The following SNX17 variants were observed in gnomAD, a reference collection of about 807,000 sequenced individuals.
SNX17 encodes the protein sorting nexin-17.
A neutral mutation model predicts 64.3 loss-of-function variants in SNX17; 35 were observed. That is an observed-to-expected ratio of 0.54 (90% confidence interval 0.42 to 0.72). The LOEUF is 0.72. Ranked by LOEUF, SNX17 falls within the 30% of genes least tolerant of loss-of-function variation. The pLI is 0.00. For missense variants in SNX17, 538 were observed against 610.0 expected (o/e 0.88, Z 1.24); for synonymous variants, 259 against 230.2 (o/e 1.13, Z -1.13).
chr2:27,371,813 T>C (rs1257630027), intron 2 of SNX17, among the ~76,000 whole-genome samples: 1 of 152,244 alleles, frequency 6.6e-6, no homozygotes, highest in Non-Finnish European at 1.5e-5. Context: ...TCCTCCTTCC[T>C]TACCAGATCT....
chr2:27,371,950 T>C (rs1029195514), intron 2 of SNX17, among the ~76,000 whole-genome samples: 4 of 152,228 alleles, frequency 2.6e-5, no homozygotes, highest in African/African-American at 9.7e-5. Flanking sequence ...AGTGGCACGA[T>C]CTCGGCTCAC....
chr2:27,377,512 G>T lies in SNX17; in HGVS notation c.*793G>T, dbSNP rs145489942. 6.2e-7 allele frequency: 1 copy of T among 1,609,342 alleles called. No homozygotes were observed. Reference sequence around the variant, plus strand: ...GGGAGAAAAAGGTGGCTTCTGGTCCGTCTGTATAAAACATGGGGAAGAAGG... The same window carrying T: ...GGGAGAAAAAGGTGGCTTCTGGTCCTTCTGTATAAAACATGGGGAAGAAGG... On this transcript the variant is annotated 3_prime_UTR_variant, in exon 15 of 15. Transcript: ENST00000233575. This position sits in a 1 kb window ranked among gnomAD's most constrained non-coding sequence, Gnocchi z 4.4.
At chr2:27,371,577 T>A in intron 2 of SNX17, 1 of 797,452 alleles carries the variant, frequency 1.3e-6, no homozygotes, top group Non-Finnish European at 1.7e-6. Flanking sequence ...TTCTGTCCAG[T>A]CTTACTGCTC....
rs753363546 is a variant in SNX17 at position 27,376,475 on chromosome 2, C to G, written c.1258-4C>G. The G allele has an allele frequency of 3.7e-6, 6 of 1,614,164 alleles. No homozygotes were observed. Among genetic ancestry groups the G allele is most frequent in the Non-Finnish European group, 5.1e-6 (6 of 1,180,026 alleles). On this transcript the variant is annotated splice_region_variant and splice_polypyrimidine_tract_variant and intron_variant, in intron 13 of 14. Transcript: ENST00000233575. ...TTCTGACACCTCTGCCTCTTCTTCCCCAGGAGTCACCTGATGCCACCCGGG... is the reference window on the plus strand; with the variant it reads ...TTCTGACACCTCTGCCTCTTCTTCCGCAGGAGTCACCTGATGCCACCCGGG...
intron 14 of SNX17, 31 bp downstream of exon 14, chr2:27,376,551 T>C: frequency 6.2e-7 from 1 of 1,614,202 alleles, no homozygotes; most frequent in East Asian, 2.2e-5. Context: ...GGTTGCTGTT[T>C]GTTGGGGGAT....
At position 27,370,653 on chromosome 2, in the gene SNX17, T is replaced by C. The variant is rs1160981808; in HGVS notation, c.-91T>C. ...GGGCTCCCAAAATGGCGAGTGAGGC[T>C]GCGGGGACTCGCTGAGCAGCGGAGG... is the stretch of plus-strand genomic sequence containing the variant. On this transcript the variant is annotated 5_prime_UTR_variant, in exon 1 of 15. Coordinates refer to ENST00000233575, the MANE Select transcript of SNX17 (RefSeq NM_014748.4). 6.8e-7 allele frequency: 1 copy of C among 1,469,764 alleles called. No individual in the cohort carries two copies. Among genetic ancestry groups the C allele is most frequent in the Non-Finnish European group, 9.0e-7 (1 of 1,107,380 alleles). The allele number at this position is 1,469,764 out of a possible 1,614,324, so 91.0% of individuals were successfully genotyped here.
rs1682736678 is a variant in SNX17 at position 27,372,523 on chromosome 2, G to A, written c.139-100G>A. On this transcript the variant is annotated intron_variant, in intron 2 of 14. Coordinates refer to ENST00000233575, the MANE Select transcript of SNX17 (RefSeq NM_014748.4). ...GGTAGACAGGGGAACAGGGACTGAGGGAAGGGAGGGGCACCCAAGAGAACA... is the reference window on the plus strand; with the variant it reads ...GGTAGACAGGGGAACAGGGACTGAGAGAAGGGAGGGGCACCCAAGAGAACA... 1.2e-5 allele frequency: 18 copies of A among 1,558,716 alleles called. No homozygotes were observed. The South Asian group carries it at 1.9e-4, about 17-fold the overall frequency.
chr2:27,371,629 C>G (rs372512006), intron 2 of SNX17: 2 of 314,548 alleles, frequency 6.4e-6, no homozygotes, highest in Admixed American at 4.8e-5. Flanking sequence ...ACCCCTCCCC[C>G]CACTACCTCC....
intron 12 of SNX17, 28 bp from the exon 13 acceptor site, chr2:27,376,285 C>G: frequency 6.2e-7 from 1 of 1,611,670 alleles, no homozygotes; most frequent in South Asian, 1.1e-5. Flanking sequence ...TGATCCTGCC[C>G]TCACCGGCAC....
chr2:27,374,323 A>T lies in SNX17; in HGVS notation c.524-23A>T, dbSNP rs532740420. ...TTCCTTTAAATCTCACTATATTTTC[A>T]TTTTTTTTTTTTTAACCTGTAGTTG... On this transcript the variant is annotated intron_variant, in intron 6 of 14. Transcript: ENST00000233575. 5.4e-4 allele frequency: 700 copies of T among 1,304,636 alleles called. 2 individuals are homozygous for T. In the African/African-American group the frequency reaches 7.2e-3, roughly 13 times the overall value. 80.8% of individuals were successfully genotyped at this position (1,304,636 alleles called of 1,614,324 possible). A position where few individuals can be genotyped will look rare whatever the true frequency, so the allele number is the denominator to read the frequency against.
rs1282667174 is a variant in SNX17, at chr2:27,373,884, G to A, written c.345G>A (p.Glu115=). 1.2e-6 allele frequency: 2 copies of A among 1,613,592 alleles called. No individual in the cohort carries two copies. Among genetic ancestry groups the A allele is most frequent in the Admixed American group, 1.7e-5 (1 of 59,994 alleles). ...AQQETQQVPT[E]EVSLEVLLSN... ...AGGAGACACAGCAGGTCCCCACAGA[G>A]GAAGTGTCCTTGGAAGTGCTGCTCA... Residue 115 remains glutamate, a synonymous_variant, in exon 5 of 15, where the codon GAG becomes GAA. Transcript: ENST00000233575.
At chr2:27,376,451 T>G (rs756810276) in intron 13 of SNX17, 28 bp from the exon 14 acceptor site, 3 of 1,614,128 alleles carry the variant, frequency 1.9e-6, no homozygotes, top group Non-Finnish European at 2.5e-6. Flanking sequence ...CTAGTGAGTT[T>G]CTGACACCTC....
At chr2:27,371,835 T>TTA (rs1682607880) in intron 2 of SNX17, among the ~76,000 whole-genome samples, 1 of 152,254 alleles carries the variant, frequency 6.6e-6, no homozygotes, top group African/African-American at 2.4e-5. Flanking sequence ...AAACTCTATT[T>TTA]AACTCAGTAG....
intron 7 of SNX17, 25 bp downstream of exon 7, chr2:27,374,458 G>T (rs751794081): frequency 5.7e-5 from 90 of 1,584,450 alleles, no homozygotes; most frequent in Non-Finnish European, 6.0e-5. Flanking sequence ...TGGAAGGGGA[G>T]GGGTGGGAGG....
chr2:27,370,885 G>A (rs1051885170), intron 1 of SNX17, 79 bp downstream of exon 1: 5 of 1,460,286 alleles, frequency 3.4e-6, no homozygotes, highest in Admixed American at 4.4e-5. Flanking sequence ...CGGCCTCTGA[G>A]GCCTGACCGC....
chr2:27,373,745 G>A lies in SNX17; in HGVS notation c.322-116G>A, dbSNP rs1378223510. 1.0e-5 allele frequency: 7 copies of A among 700,928 alleles called. No homozygotes were observed. The Admixed American group carries it at 1.7e-4, about 17-fold the overall frequency. The allele number at this position is 700,928 out of a possible 1,614,324, so 43.4% of individuals were successfully genotyped here. On this transcript the variant is annotated intron_variant, in intron 4 of 14. Transcript: ENST00000233575. Reference sequence around the variant, plus strand: ...TTCTTATGAAATCAAAGAAATCACAGCCTATATTTAAGCAGCTGAGAATAA... The same window carrying A: ...TTCTTATGAAATCAAAGAAATCACAACCTATATTTAAGCAGCTGAGAATAA...
In SNX17 at chr2:27,375,807, G is replaced by C. The variant is rs755867467; in HGVS notation, c.979-39G>C. 1 of 1,611,332 alleles carries C rather than the reference G, an allele frequency of 6.2e-7. No individual in the cohort carries two copies. Among genetic ancestry groups the C allele is most frequent in the Non-Finnish European group, 8.5e-7 (1 of 1,178,494 alleles). ...GCGGGTCAGGGAGCCAGACAGGTTG[G>C]TCAGAGTGAACTCAACCGAATTCCC... On this transcript the variant is annotated intron_variant, in intron 10 of 14. Coordinates refer to ENST00000233575, the MANE Select transcript of SNX17 (RefSeq NM_014748.4). This position sits in a 1 kb window ranked among gnomAD's most constrained non-coding sequence, Gnocchi z 4.1.
Position 27,377,183 on chromosome 2 carries a change from G to C in SNX17, c.*464G>C. 1 of 455,368 alleles carries C rather than the reference G, an allele frequency of 2.2e-6. No homozygotes were observed. Among genetic ancestry groups the C allele is most frequent in the Non-Finnish European group, 4.1e-6 (1 of 245,308 alleles). The allele number at this position is 455,368 out of a possible 1,614,324, so 28.2% of individuals were successfully genotyped here. On this transcript the variant is annotated 3_prime_UTR_variant, in exon 15 of 15. Transcript: ENST00000233575. The surrounding 1 kb of genome is among the most constrained non-coding windows in gnomAD (Gnocchi z 4.4). Reference sequence around the variant, plus strand: ...CCCCCATCACAGCATGGACTACTATGCTAAGGGTAAGGCCAAATTGCCTGC... The same window carrying C: ...CCCCCATCACAGCATGGACTACTATCCTAAGGGTAAGGCCAAATTGCCTGC...
Position 27,376,813 on chromosome 2 carries a change from T to C in SNX17, c.*94T>C, listed in dbSNP as rs1683294546. 9.6e-7 allele frequency: 1 copy of C among 1,045,900 alleles called. No individual in the cohort carries two copies. 64.8% of individuals were successfully genotyped at this position (1,045,900 alleles called of 1,614,324 possible). The stretch of plus-strand genomic sequence containing the variant: ...CCCCATGCTAGGGGCGGAGGGGTCT[T>C]TTCCTTCTTCTTTCCTACCTACCCC... On this transcript the variant is annotated 3_prime_UTR_variant, in exon 15 of 15. Coordinates refer to ENST00000233575, the MANE Select transcript of SNX17 (RefSeq NM_014748.4).
Sources: allele counts gnomAD v4.1 joint callset (sites outside exome capture counted in the v4.1 genomes callset), GRCh38; gene constraint gnomAD v4.1.1; non-coding constraint Gnocchi (gnomAD v3.1); transcripts MANE v1.5; gene names NCBI Gene and HGNC (gene_info 2026-07-23, HGNC 2026-07-21).